The following NUDCD1 variants were observed in gnomAD, a reference collection of about 807,000 sequenced individuals.
NUDCD1 encodes nudC domain-containing protein 1.
A neutral mutation model predicts 67.8 loss-of-function variants in NUDCD1; 60 were observed. The ratio of observed to expected loss-of-function variants is 0.88; its 90% CI spans 0.72 to 1.10. The LOEUF (loss-of-function observed/expected upper bound fraction) is 1.10. Among genes scored for constraint, NUDCD1 ranks in the 50% least tolerant of loss-of-function variants. NUDCD1 has a pLI of 0.00. For missense variants in NUDCD1, 643 were observed against 695.0 expected (o/e 0.93, Z 0.84); for synonymous variants, 244 against 230.8 (o/e 1.06, Z -0.52).
chr8:109,291,415 G>A (rs1814709026), intron 4 of NUDCD1, among the ~76,000 whole-genome samples: 1 of 152,184 alleles, frequency 6.6e-6, no homozygotes, highest in Non-Finnish European at 1.5e-5. Context: ...AAAGTGCTGA[G>A]ATTACAGGCA....
chr8:109,266,622 T>G (rs1213012073), intron 8 of NUDCD1, among the ~76,000 whole-genome samples: 12 of 152,152 alleles, frequency 7.9e-5, no homozygotes, highest in Admixed American at 7.9e-4. Flanking sequence ...CACATTTCAA[T>G]GCAGACTAGC....
At chr8:109,313,762 A>C (rs1222394238) in intron 2 of NUDCD1, 1 of 526,976 alleles carries the variant, frequency 1.9e-6, no homozygotes, top group Non-Finnish European at 3.4e-6. Flanking sequence ...TTTATACACA[A>C]TTATGAGCAT....
At chr8:109,257,485 G>C (rs1813765316) in intron 8 of NUDCD1, among the ~76,000 whole-genome samples, 2 of 152,084 alleles carry the variant, frequency 1.3e-5, no homozygotes, top group Admixed American at 1.3e-4. Flanking sequence ...TTATGGATCA[G>C]AAGATTCAAT....
intron 8 of NUDCD1, among the ~76,000 whole-genome samples, chr8:109,263,296 G>A (rs1056257266): frequency 6.6e-6 from 1 of 152,052 alleles, no homozygotes; most frequent in Non-Finnish European, 1.5e-5. Flanking sequence ...AAATGTTTAT[G>A]ACAACAAGCA....
chr8:109,333,864 G>C, intron 1 of NUDCD1, 29 bp downstream of exon 1: 1 of 1,612,244 alleles, frequency 6.2e-7, no homozygotes, highest in Non-Finnish European at 8.5e-7. Context: ...GGAAAGGAAC[G>C]GAGTACGAAG....
intron 6 of NUDCD1, 152 bp from the exon 7 acceptor site, chr8:109,275,648 G>C (rs1814268899): frequency 1.6e-6 from 1 of 628,134 alleles, no homozygotes; most frequent in Non-Finnish European, 2.7e-6. Context: ...TTTAAGTTTT[G>C]CATGTGATGG....
chr8:109,310,810 CTTTTTTTTTT>C (rs59611956), intron 2 of NUDCD1, among the ~76,000 whole-genome samples: 2 of 75,180 alleles, frequency 2.7e-5, no homozygotes, highest in Non-Finnish European at 4.8e-5. Flanking sequence ...ATAGACAATT[CTTTTTTTTTT>C]TTTTTTTTTT....
At position 109,254,298 on chromosome 8, in the gene NUDCD1, T is replaced by C. The variant is rs950441846; in HGVS notation, c.1300-8817A>G. 5.3e-5 allele frequency among the ~76,000 whole-genome samples: 8 copies of C among 152,342 alleles called. No homozygotes were observed. The South Asian group carries it at 1.0e-3, about 20-fold the overall frequency. ...GTAATTAATGTTCATTCTGATGATA[T>C]GTAACCATCAACAAAATGTTACTTT... On this transcript the variant is annotated intron_variant, in intron 8 of 9. Transcript: ENST00000239690.
chr8:109,261,561 A>G (rs1277184634), intron 8 of NUDCD1, among the ~76,000 whole-genome samples: 1 of 152,190 alleles, frequency 6.6e-6, no homozygotes, highest in East Asian at 1.9e-4. Flanking sequence ...TGTTAAACAT[A>G]TAAGTAATAA....
At chr8:109,315,462 C>T (rs1391296761) in intron 2 of NUDCD1, 1 of 152,148 alleles carries the variant, frequency 6.6e-6, no homozygotes, top group Admixed American at 6.5e-5. Flanking sequence ...ACCTACAGCC[C>T]AGATGAACTT....
rs1814779607 is a variant in NUDCD1 at position 109,294,139 on chromosome 8, A to G, written c.460-615T>C. On this transcript the variant is annotated intron_variant, in intron 3 of 9. Transcript: ENST00000239690. ...ATTTTTAAGACTAAATACAAAATAG[A>G]GAAGGTTTTAAGGCTGCTTCCTAAA... is the stretch of plus-strand genomic sequence containing the variant. Among the ~76,000 whole-genome samples the G allele has an allele frequency of 2.6e-5, 4 of 152,082 alleles. No homozygotes were observed. In the South Asian group the frequency reaches 8.3e-4, roughly 31 times the overall value.
intron 8 of NUDCD1, among the ~76,000 whole-genome samples, chr8:109,253,224 A>T (rs1813660039): frequency 6.6e-6 from 1 of 152,254 alleles, no homozygotes; most frequent in Non-Finnish European, 1.5e-5. Context: ...ATACCAAAAA[A>T]TAAACAATTC....
chr8:109,314,004 C>G (rs1023196111), intron 2 of NUDCD1: 3 of 347,914 alleles, frequency 8.6e-6, no homozygotes, highest in African/African-American at 6.4e-5. Flanking sequence ...TTGTTTAGAT[C>G]TAATTTTCAA....
intron 1 of NUDCD1, among the ~76,000 whole-genome samples, chr8:109,326,524 T>A (rs1360069212): frequency 6.6e-6 from 1 of 152,002 alleles, no homozygotes; most frequent in Non-Finnish European, 1.5e-5. Flanking sequence ...TCTGCATAGA[T>A]CTTTGTAAGG....
At chr8:109,296,328 G>A (rs1449798401) in intron 3 of NUDCD1, 56 bp downstream of exon 3, 1 of 1,308,524 alleles carries the variant, frequency 7.6e-7, no homozygotes. Flanking sequence ...AAAATAAGTA[G>A]GGTGTAATTT....
intron 1 of NUDCD1, among the ~76,000 whole-genome samples, chr8:109,331,564 C>T (rs1238464975): frequency 6.7e-6 from 1 of 150,194 alleles, no homozygotes; most frequent in Non-Finnish European, 1.5e-5. Context: ...TGATATCCTG[C>T]AGCTGTACAT....
At chr8:109,329,179 G>T (rs567330547) in intron 1 of NUDCD1, among the ~76,000 whole-genome samples, 1 of 151,744 alleles carries the variant, frequency 6.6e-6, no homozygotes, top group South Asian at 2.1e-4. Flanking sequence ...GAAACTATTG[G>T]CAATAAAACA....
intron 2 of NUDCD1, among the ~76,000 whole-genome samples, chr8:109,309,311 CAA>C (rs1815184816): frequency 6.6e-6 from 1 of 152,186 alleles, no homozygotes; most frequent in South Asian, 2.1e-4. Context: ...TTAATATACA[CAA>C]GTCAATAAAT....
intron 1 of NUDCD1, among the ~76,000 whole-genome samples, chr8:109,325,621 G>A (rs1264997971): frequency 6.6e-6 from 1 of 152,190 alleles, no homozygotes; most frequent in Non-Finnish European, 1.5e-5. Flanking sequence ...GTTCAAAGAA[G>A]GCCACACTGG....
Sources: allele counts gnomAD v4.1 joint callset (sites outside exome capture counted in the v4.1 genomes callset), GRCh38; gene constraint gnomAD v4.1.1; transcripts MANE v1.5; gene names NCBI Gene and HGNC (gene_info 2026-07-23, HGNC 2026-07-21).